Variants in SLC15A2 observed in about 807,000 individuals in gnomAD.
SLC15A2 encodes kidney H(+)/peptide cotransporter.
A neutral mutation model predicts 95.5 loss-of-function variants in SLC15A2; 77 were observed. That is an observed-to-expected ratio of 0.81 (90% CI 0.67 to 0.97). SLC15A2 has a LOEUF of 0.97. Ranked by LOEUF, SLC15A2 falls within the 50% of genes least tolerant of loss-of-function variation. The pLI is 0.00. For missense variants in SLC15A2, 893 were observed against 874.4 expected, an observed-to-expected ratio of 1.02 and a Z score of -0.27; for synonymous variants, 306 against 306.9, an observed-to-expected ratio of 1.00 and a Z score of 0.03.
At chr3:121,924,846 G>A (rs942737593) in intron 12 of SLC15A2, 99 bp from the exon 13 acceptor site, 4 of 844,438 alleles carry the variant, frequency 4.7e-6, no homozygotes, top group Non-Finnish European at 6.1e-6. Flanking sequence ...AAAAGTGTGT[G>A]TAGATGTGAG....
Position 121,924,804 on chromosome 3 carries a change from G to A in SLC15A2, c.1036-141G>A, listed in dbSNP as rs113759873. ...AGGGTCTTGGGTGTAAATGGACTGA[G>A]GAATGTGGAGTCATTCTGTACTTAC... On this transcript the variant is annotated intron_variant, in intron 12 of 21. Transcript: ENST00000489711. 841 of 700,964 alleles carry A rather than the reference G, an allele frequency of 1.2e-3. 8 individuals are homozygous for A. The African/African-American group carries it at 0.014, about 11-fold the overall frequency. The allele number at this position is 700,964 out of a possible 1,614,324, so 43.4% of individuals were successfully genotyped here.
Position 121,941,099 on chromosome 3 carries a change from A to G in SLC15A2, c.*92A>G. ...TGGATTAGACAAGAGAGATAGCAGC[A>G]TATCAGAGCTGATCTCCTCCACCTT... On this transcript the variant is annotated 3_prime_UTR_variant, in exon 22 of 22. Coordinates refer to ENST00000489711, the MANE Select transcript of SLC15A2 (RefSeq NM_021082.4). 5 of 1,155,398 alleles carry G rather than the reference A, an allele frequency of 4.3e-6. No homozygotes were observed. Among genetic ancestry groups the G allele is most frequent in the Middle Eastern group, 2.9e-4 (1 of 3,494 alleles). 71.6% of individuals were successfully genotyped at this position (1,155,398 alleles called of 1,614,324 possible). A position where few individuals can be genotyped will look rare whatever the true frequency, so the allele number is the denominator to read the frequency against.
At chr3:121,917,721 T>C (rs772570370) in intron 7 of SLC15A2, among the ~76,000 whole-genome samples, 1 of 151,816 alleles carries the variant, frequency 6.6e-6, no homozygotes, top group Non-Finnish European at 1.5e-5. Flanking sequence ...AATAAATAAA[T>C]AAATAATACT....
intron 19 of SLC15A2, among the ~76,000 whole-genome samples, 195 bp downstream of exon 19, chr3:121,931,930 G>T (rs184421070): frequency 6.6e-6 from 1 of 152,094 alleles, no homozygotes; most frequent in Admixed American, 6.6e-5. Flanking sequence ...ACAGAGTTTC[G>T]CTCTCATCGC....
intron 19 of SLC15A2, among the ~76,000 whole-genome samples, chr3:121,936,158 A>G (rs890469546): frequency 6.6e-6 from 1 of 152,062 alleles, no homozygotes; most frequent in Non-Finnish European, 1.5e-5. Context: ...ATTCTTTTAC[A>G]TTTGCCGAGG....
chr3:121,940,358 T>C (rs1350460616), intron 20 of SLC15A2, 26 bp from the exon 21 acceptor site: 7 of 1,589,354 alleles, frequency 4.4e-6, no homozygotes, highest in Non-Finnish European at 6.0e-6. Context: ...GGGGTTTGTT[T>C]ACTTTCAAAC....
chr3:121,914,881 A>AC (rs1709853628), intron 5 of SLC15A2: 1 of 460,894 alleles, frequency 2.2e-6, no homozygotes, highest in Non-Finnish European at 2.9e-6. Flanking sequence ...AAAAACCACA[A>AC]ACACACACAT....
intron 3 of SLC15A2, among the ~76,000 whole-genome samples, 177 bp from the exon 4 acceptor site, chr3:121,911,397 T>A (rs960611957): frequency 2.0e-5 from 3 of 152,216 alleles, no homozygotes; most frequent in African/African-American, 7.2e-5. Context: ...TTTTTCCTAG[T>A]CTGTTCACTT....
intron 3 of SLC15A2, among the ~76,000 whole-genome samples, chr3:121,904,475 T>C (rs1167166101): frequency 6.6e-6 from 1 of 152,224 alleles, no homozygotes; most frequent in African/African-American, 2.4e-5. Flanking sequence ...CAGTATGATA[T>C]TGGCTGTGGG....
At chr3:121,940,721 C>A in intron 21 of SLC15A2, 110 bp from the exon 22 acceptor site, 1 of 1,182,282 alleles carries the variant, frequency 8.5e-7, no homozygotes, top group Non-Finnish European at 1.2e-6. Flanking sequence ...CAGCAAAAGT[C>A]TGGTTAAACT....
At chr3:121,899,140 A>G (rs141310218) in intron 3 of SLC15A2, among the ~76,000 whole-genome samples, 68 of 152,310 alleles carry the variant, frequency 4.5e-4, no homozygotes, top group Middle Eastern at 3.4e-3. Flanking sequence ...TTTAAGATTG[A>G]AGAAGTACAG....
At chr3:121,939,662 C>G (rs1710420941) in intron 20 of SLC15A2, among the ~76,000 whole-genome samples, 167 bp downstream of exon 20, 1 of 152,062 alleles carries the variant, frequency 6.6e-6, no homozygotes, top group East Asian at 1.9e-4. Flanking sequence ...CAGGTCATGA[C>G]AGTACAGCAT....
chr3:121,931,250 AAAG>A (rs1230775347), intron 18 of SLC15A2, among the ~76,000 whole-genome samples: 1 of 152,196 alleles, frequency 6.6e-6, no homozygotes, highest in African/African-American at 2.4e-5. Context: ...CATTTCTACT[AAAG>A]AAGGTACTTT....
rs1032794209 is a variant in SLC15A2, at chr3:121,907,963, G to A, written c.336-3611G>A. 4.6e-5 allele frequency among the ~76,000 whole-genome samples: 7 copies of A among 152,362 alleles called. No individual in the cohort carries two copies. In the East Asian group the frequency reaches 5.8e-4, roughly 13 times the overall value. On this transcript the variant is annotated intron_variant, in intron 3 of 21. Transcript: ENST00000489711. Reference sequence around the variant, plus strand: ...AGAAGTTTCTGCTGCCTTTTGTTCCGCTATGCCCTGACCCCAGAGGTGGGT... The same window carrying A: ...AGAAGTTTCTGCTGCCTTTTGTTCCACTATGCCCTGACCCCAGAGGTGGGT...
In SLC15A2 at chr3:121,942,464, A is replaced by G. The variant is rs1331080347; in HGVS notation, c.*1457A>G. 2 of 152,256 alleles carry G rather than the reference A, an allele frequency of 1.3e-5. No homozygotes were observed. Among genetic ancestry groups the G allele is most frequent in the Non-Finnish European group, 2.9e-5 (2 of 68,036 alleles). 9.4% of individuals were successfully genotyped at this position (152,256 alleles called of 1,614,324 possible). On this transcript the variant is annotated 3_prime_UTR_variant, in exon 22 of 22. Coordinates refer to ENST00000489711, the MANE Select transcript of SLC15A2 (RefSeq NM_021082.4). ...AATACGTAACAATGTTCATGTTAAC[A>G]GGCACCTGTTAATATTAACAGATAA...
intron 7 of SLC15A2, 58 bp from the exon 8 acceptor site, chr3:121,922,162 C>T: frequency 6.9e-7 from 1 of 1,449,296 alleles, no homozygotes; most frequent in Non-Finnish European, 9.6e-7. Flanking sequence ...ACTGCAATAA[C>T]CTTTGCACCA....
chr3:121,923,353 G>T, intron 11 of SLC15A2, 87 bp downstream of exon 11: 1 of 1,333,566 alleles, frequency 7.5e-7, no homozygotes. Context: ...GATTTTGCCT[G>T]AAAACTAACA....
intron 2 of SLC15A2, 95 bp from the exon 3 acceptor site, chr3:121,897,293 A>C (rs1709435990): frequency 6.8e-7 from 1 of 1,480,920 alleles, no homozygotes; most frequent in Non-Finnish European, 9.1e-7. Context: ...AAATCACATT[A>C]TAAAGACCAG....
intron 3 of SLC15A2, among the ~76,000 whole-genome samples, chr3:121,905,865 C>T (rs1709628028): frequency 6.6e-6 from 1 of 152,046 alleles, no homozygotes; most frequent in African/African-American, 2.4e-5. Context: ...TTATTAGGTC[C>T]ACTTGGTGCA....
Sources: allele counts gnomAD v4.1 joint callset (sites outside exome capture counted in the v4.1 genomes callset), GRCh38; gene constraint gnomAD v4.1.1; transcripts MANE v1.5; gene names NCBI Gene and HGNC (gene_info 2026-07-23, HGNC 2026-07-21).